The following ZNF148 variants were observed in gnomAD, a reference collection of about 807,000 sequenced individuals.
ZNF148 encodes zinc finger protein 148.
Under a neutral mutation model 67.7 loss-of-function variants are expected in ZNF148, and 7 were observed. The observed-to-expected ratio is 0.10, with a 90% CI of 0.06 to 0.19. ZNF148 has a LOEUF of 0.19. ZNF148 is among the 10% of genes least tolerant of loss of function. The pLI is 1.00. For synonymous variants in ZNF148, 333 were observed against 330.7 expected (o/e 1.01, Z -0.08); for missense variants, 583 against 947.1 (o/e 0.62, Z 5.05).
intron 1 of ZNF148, among the ~76,000 whole-genome samples, chr3:125,371,314 C>T (rs1038096879): frequency 1.4e-4 from 19 of 132,340 alleles, no homozygotes; most frequent in Non-Finnish European, 1.8e-4. Context: ...TGGGAACATG[C>T]GCACTGCACT....
chr3:125,317,660 T>TAG (rs66600598), intron 3 of ZNF148, among the ~76,000 whole-genome samples: 10,346 of 62,108 alleles, frequency 0.17, 609 homozygotes, highest in East Asian at 0.41. Context: ...TATATATATA[T>TAG]ATAGAGAGAG....
chr3:125,242,925 T>C (rs566218481), intron 7 of ZNF148, among the ~76,000 whole-genome samples: 1 of 152,362 alleles, frequency 6.6e-6, no homozygotes, highest in African/African-American at 2.4e-5. Context: ...GCCTTTATAA[T>C]ATCCTTTATT....
At chr3:125,267,241 C>A (rs900876860) in intron 7 of ZNF148, among the ~76,000 whole-genome samples, 6 of 151,810 alleles carry the variant, frequency 4.0e-5, no homozygotes, top group Non-Finnish European at 7.4e-5. Flanking sequence ...ATACCAAAAT[C>A]TGGCAAAGAC....
At chr3:125,296,036 A>T (rs1319843412) in intron 4 of ZNF148, among the ~76,000 whole-genome samples, 1 of 8,810 alleles carries the variant, frequency 1.1e-4, no homozygotes, top group Non-Finnish European at 2.7e-4. Flanking sequence ...TCAATATGCC[A>T]AAAAAAAAAA....
chr3:125,279,114 C>A lies in ZNF148; in HGVS notation c.583+10G>T. On this transcript the variant is annotated intron_variant, in intron 6 of 8. Coordinates refer to ENST00000360647, the MANE Select transcript of ZNF148 (RefSeq NM_021964.3). ...TAATGGCCACAAGCCCATTTTAATT[C>A]AAGAAATACCTGTATGAATGAAGAC... The A allele has an allele frequency of 1.3e-6, 2 of 1,585,326 alleles. No individual in the cohort carries two copies. The highest frequency in any genetic ancestry group is 1.2e-5 in the South Asian group (1 of 83,776).
chr3:125,246,495 T>C (rs1936604031), intron 7 of ZNF148, among the ~76,000 whole-genome samples: 1 of 133,444 alleles, frequency 7.5e-6, no homozygotes, highest in South Asian at 2.4e-4. Flanking sequence ...TCTACGACTT[T>C]ATATTCTCAT....
At chr3:125,309,572 G>A (rs1419315519) in intron 4 of ZNF148, among the ~76,000 whole-genome samples, 1 of 149,986 alleles carries the variant, frequency 6.7e-6, no homozygotes, top group Non-Finnish European at 1.5e-5. Context: ...ATAAAATGGT[G>A]GCGAAAGGGG....
intron 7 of ZNF148, among the ~76,000 whole-genome samples, chr3:125,257,569 A>G (rs892126475): frequency 4.6e-5 from 7 of 150,728 alleles, no homozygotes; most frequent in Admixed American, 2.0e-4. Context: ...AAAAAAAAAA[A>G]AAAAAAAAAA....
intron 1 of ZNF148, among the ~76,000 whole-genome samples, chr3:125,363,794 C>A (rs1942618162): frequency 6.6e-6 from 1 of 152,058 alleles, no homozygotes; most frequent in Non-Finnish European, 1.5e-5. Flanking sequence ...GAACTACAGG[C>A]ATGTGCCACC....
chr3:125,321,616 T>C (rs1469647934), intron 3 of ZNF148, among the ~76,000 whole-genome samples: 1 of 151,978 alleles, frequency 6.6e-6, no homozygotes, highest in African/African-American at 2.4e-5. Flanking sequence ...ATCAAATTTA[T>C]GGAAATCCAA....
intron 1 of ZNF148, 50 bp downstream of exon 1, chr3:125,375,052 C>T (rs1254061774): frequency 1.3e-5 from 2 of 151,384 alleles, no homozygotes; most frequent in Non-Finnish European, 3.0e-5. Context: ...CGCCCCCTCC[C>T]CCTCCCCCGC....
At chr3:125,338,504 C>G (rs1029325631) in intron 1 of ZNF148, among the ~76,000 whole-genome samples, 4 of 151,102 alleles carry the variant, frequency 2.6e-5, no homozygotes, top group African/African-American at 9.7e-5. Flanking sequence ...AATACTATTA[C>G]AAGTAATTAG....
Position 125,344,620 on chromosome 3 carries a change from T to C in ZNF148, c.-233-13382A>G, listed in dbSNP as rs915523798. 31 of 736,626 alleles carry C rather than the reference T, an allele frequency of 4.2e-5. No individual in the cohort carries two copies. The East Asian group carries it at 4.9e-4, about 12-fold the overall frequency. The allele number at this position is 736,626 out of a possible 1,614,324, so 45.6% of individuals were successfully genotyped here. A position where few individuals can be genotyped will look rare whatever the true frequency, so the allele number is the denominator to read the frequency against. ...ATTTAATCCTGTCATAGATGTACCA[T>C]CTTTTAGCATCTTACAGCACCTCAC... On this transcript the variant is annotated intron_variant, in intron 1 of 8. Coordinates refer to ENST00000360647, the MANE Select transcript of ZNF148 (RefSeq NM_021964.3).
At chr3:125,299,621 T>C (rs1939481898) in intron 4 of ZNF148, among the ~76,000 whole-genome samples, 1 of 152,152 alleles carries the variant, frequency 6.6e-6, no homozygotes, top group Admixed American at 6.5e-5. Flanking sequence ...TAAGAACAAG[T>C]GAGGATACTG....
intron 4 of ZNF148, among the ~76,000 whole-genome samples, chr3:125,300,314 A>G (rs1939519942): frequency 6.6e-6 from 1 of 152,056 alleles, no homozygotes; most frequent in Non-Finnish European, 1.5e-5. Context: ...TATATCCCCA[A>G]TAAAAGACAA....
chr3:125,343,813 C>T (rs952255055), intron 1 of ZNF148, among the ~76,000 whole-genome samples: 1 of 152,098 alleles, frequency 6.6e-6, no homozygotes, highest in Non-Finnish European at 1.5e-5. Context: ...CTGTAACACT[C>T]ACTGAACGCA....
intron 1 of ZNF148, among the ~76,000 whole-genome samples, chr3:125,363,439 G>A (rs1175645980): frequency 6.6e-6 from 1 of 152,122 alleles, no homozygotes; most frequent in African/African-American, 2.4e-5. Flanking sequence ...AAACAGTTCT[G>A]CTAAGTGATC....
rs182073065 is a variant in ZNF148, at chr3:125,307,390, G to A, written c.333+5918C>T. ...GCGATCTCAGCTCACTGCAAGCTCC[G>A]CCTCCCGCATTCACGCCATTCTCCT... On this transcript the variant is annotated intron_variant, in intron 4 of 8. Transcript: ENST00000360647. Among the ~76,000 whole-genome samples, 282 of 151,566 alleles carry A rather than the reference G, an allele frequency of 1.9e-3. 1 individual carries two copies. The highest frequency in any genetic ancestry group is 6.3e-3 in the African/African-American group (261 of 41,278).
chr3:125,373,338 G>A (rs1371011526), intron 1 of ZNF148, among the ~76,000 whole-genome samples: 5 of 150,982 alleles, frequency 3.3e-5, no homozygotes, highest in African/African-American at 4.9e-5. Context: ...TGATCCGCTC[G>A]CCTCGGCCTC....
Sources: allele counts gnomAD v4.1 joint callset (sites outside exome capture counted in the v4.1 genomes callset), GRCh38; gene constraint gnomAD v4.1.1; transcripts MANE v1.5; gene names NCBI Gene and HGNC (gene_info 2026-07-23, HGNC 2026-07-21).